The following PLXNA4 variants were observed in gnomAD, a reference collection of about 807,000 sequenced individuals.
The protein encoded by PLXNA4 is plexin A4.
Under a neutral mutation model 191.8 loss-of-function variants are expected in PLXNA4, and 44 were observed. The observed-to-expected ratio is 0.23, with a 90% CI of 0.18 to 0.29. The LOEUF (loss-of-function observed/expected upper bound fraction) is 0.29, where lower values mean the gene tolerates loss of function less well. Among genes scored for constraint, PLXNA4 ranks in the 10% least tolerant of loss-of-function variants. The pLI is 1.00. For missense variants in PLXNA4, 1,800 were observed against 2,488.8 expected, an observed-to-expected ratio of 0.72 and a Z score of 5.89; for synonymous variants, 1,082 against 1,009.5, an observed-to-expected ratio of 1.07 and a Z score of -1.36.
intron 3 of PLXNA4, among the ~76,000 whole-genome samples, chr7:132,394,090 T>A (rs1034134340): frequency 6.6e-6 from 1 of 152,110 alleles, no homozygotes; most frequent in African/African-American, 2.4e-5. Context: ...ATTTCTTTTT[T>A]TCTCCAAGCC....
chr7:132,313,323 A>C (rs1203523137), intron 3 of PLXNA4, among the ~76,000 whole-genome samples: 2 of 152,138 alleles, frequency 1.3e-5, no homozygotes, highest in African/African-American at 2.4e-5. Context: ...TCCTTCCTGA[A>C]CTTTTTTGCT....
intron 3 of PLXNA4, among the ~76,000 whole-genome samples, chr7:132,465,382 A>G (rs538038320): frequency 6.6e-6 from 1 of 152,170 alleles, no homozygotes; most frequent in South Asian, 2.1e-4. Flanking sequence ...GCTTCCACAT[A>G]AGATTTTATA....
chr7:132,468,390 T>C (rs1005660582), intron 3 of PLXNA4, among the ~76,000 whole-genome samples: 33 of 152,206 alleles, frequency 2.2e-4, no homozygotes, highest in African/African-American at 7.7e-4. Context: ...TCTATATCAA[T>C]AATTTTTCCT....
intron 9 of PLXNA4, among the ~76,000 whole-genome samples, chr7:132,222,203 A>G (rs1336654558): frequency 6.6e-6 from 1 of 152,218 alleles, no homozygotes; most frequent in East Asian, 1.9e-4. Flanking sequence ...ACTCCTGCTC[A>G]GCCATCAGGA....
chr7:132,571,396 T>G (rs538243882), intron 1 of PLXNA4, among the ~76,000 whole-genome samples: 1 of 152,336 alleles, frequency 6.6e-6, no homozygotes, highest in African/African-American at 2.4e-5. Flanking sequence ...GGCACCAACA[T>G]GCGATGAGTC....
In PLXNA4 at chr7:132,435,895, A is replaced by G. The variant is rs117697312; in HGVS notation, c.1371+53397T>C. ...CAAAGGCCAGGGTCAGCAGCCAGCC[A>G]GTAGGTACCAGCAGCTTCCAACAAT... On this transcript the variant is annotated intron_variant, in intron 3 of 31. Transcript: ENST00000321063. Among the ~76,000 whole-genome samples, 880 of 152,330 alleles carry G rather than the reference A, an allele frequency of 5.8e-3. 9 individuals are homozygous for G. The highest frequency in any genetic ancestry group is 9.5e-3 in the Non-Finnish European group (646 of 68,022).
intron 21 of PLXNA4, among the ~76,000 whole-genome samples, chr7:132,169,835 T>G (rs1562895025): frequency 6.6e-6 from 1 of 151,956 alleles, no homozygotes; most frequent in Non-Finnish European, 1.5e-5. Flanking sequence ...GTGATTTGTA[T>G]GCATGCTTCT....
intron 3 of PLXNA4, among the ~76,000 whole-genome samples, chr7:132,344,388 A>G (rs1803159272): frequency 6.6e-6 from 1 of 152,200 alleles, no homozygotes; most frequent in African/African-American, 2.4e-5. Context: ...AAAAAAACAG[A>G]AAAACTTTGA....
chr7:132,481,598 G>A (rs946431260), intron 3 of PLXNA4, among the ~76,000 whole-genome samples: 5 of 152,052 alleles, frequency 3.3e-5, no homozygotes, highest in Non-Finnish European at 4.4e-5. Flanking sequence ...GTGCCTACAC[G>A]GTGTTCAAAG....
chr7:132,588,009 G>A (rs1402259453), intron 2 of PLXNA4, among the ~76,000 whole-genome samples: 2 of 151,404 alleles, frequency 1.3e-5, no homozygotes, highest in Non-Finnish European at 2.9e-5. Flanking sequence ...CTTTTCTCTA[G>A]GTGGTCTCTC....
At chr7:132,163,208 CGA>C (rs1562890857) in intron 24 of PLXNA4, among the ~76,000 whole-genome samples, 2 of 152,134 alleles carry the variant, frequency 1.3e-5, no homozygotes, top group African/African-American at 2.4e-5. Context: ...CAAAAAATCC[CGA>C]GAGTGAGCTC....
chr7:132,182,695 G>A (rs1199735347), intron 16 of PLXNA4, among the ~76,000 whole-genome samples: 8 of 152,156 alleles, frequency 5.3e-5, no homozygotes, highest in East Asian at 3.9e-4. Context: ...TGGAGGCTTC[G>A]ATCAGGCTGA....
At chr7:132,636,233 C>A (rs1803603072) in intron 2 of PLXNA4, among the ~76,000 whole-genome samples, 1 of 152,228 alleles carries the variant, frequency 6.6e-6, no homozygotes, top group South Asian at 2.1e-4. Flanking sequence ...GCCAGAAGAG[C>A]TCCTCAGCCA....
intron 3 of PLXNA4, among the ~76,000 whole-genome samples, chr7:132,385,968 TC>T (rs1805119468): frequency 6.6e-6 from 1 of 152,220 alleles, no homozygotes; most frequent in African/African-American, 2.4e-5. Context: ...AGAAGATCAT[TC>T]AACACATGGT....
rs1303859098 is a variant in PLXNA4 at position 132,130,544 on chromosome 7, A to G, written c.5620T>C (p.Cys1874Arg). Residue 1874 changes from cysteine (C) to arginine (R), a missense_variant, in exon 32 of 32, where the codon TGT becomes CGT. Cys to Arg is a radical substitution (Grantham distance 180, BLOSUM62 -3). Coordinates refer to ENST00000321063, the MANE Select transcript of PLXNA4 (RefSeq NM_020911.2). The stretch of plus-strand genomic sequence containing the variant: ...TTGTAGGCCAGTTTCTGCTTCCCAC[A>G]CTGGTCATCGTGGTCCAGAGGTCCA... ...ILGPLDHDDQ[C>R]GKQKLAYKLE... 1.2e-6 allele frequency: 2 copies of G among 1,613,836 alleles called. No individual in the cohort carries two copies. Among genetic ancestry groups the G allele is most frequent in the Non-Finnish European group, 1.7e-6 (2 of 1,179,980 alleles).
In PLXNA4 at chr7:132,507,507, G is replaced by A. The variant is rs1798515844; in HGVS notation, c.1187C>T (p.Ala396Val). 3 of 1,607,968 alleles carry A rather than the reference G, an allele frequency of 1.9e-6. No individual in the cohort carries two copies. The highest frequency in any genetic ancestry group is 2.5e-6 in the Non-Finnish European group (3 of 1,177,344). Reference sequence around the variant, plus strand: ...GCGCGCAGCCCTCCCTGTACTCACCGCACTGCTGCAGGGGATGTCCTTCAC... The same window carrying A: ...GCGCGCAGCCCTCCCTGTACTCACCACACTGCTGCAGGGGATGTCCTTCAC... ...LKVKDIPCSS[A>V]LLTIDDNFCG... The change falls in exon 2 of 32, where the codon GCG becomes GTG. Residue 396 changes from alanine to valine, a missense_variant and splice_region_variant. This residue lies in a region of PLXNA4 where 1,397 missense variants were observed against 1,880.4 expected (regional missense o/e 0.74). Coordinates refer to ENST00000321063, the MANE Select transcript of PLXNA4 (RefSeq NM_020911.2).
At chr7:132,201,812 G>T (rs1797443972) in intron 12 of PLXNA4, among the ~76,000 whole-genome samples, 1 of 152,214 alleles carries the variant, frequency 6.6e-6, no homozygotes. Flanking sequence ...AACTCCAGGG[G>T]CAGTGATTTC....
intron 2 of PLXNA4, among the ~76,000 whole-genome samples, chr7:132,600,446 C>G (rs2116839354): frequency 6.6e-6 from 1 of 152,318 alleles, no homozygotes; most frequent in East Asian, 1.9e-4. Flanking sequence ...TCACTGCTGC[C>G]TCAATCTCTT....
chr7:132,227,697 G>C, intron 6 of PLXNA4, 93 bp from the exon 7 acceptor site: 4 of 1,497,080 alleles, frequency 2.7e-6, no homozygotes, highest in Non-Finnish European at 3.7e-6. Context: ...GAGTGAGAGA[G>C]ATCACAGGGA....
Sources: gnomAD v4.1 joint callset for allele counts (sites outside exome capture counted in the v4.1 genomes callset) on GRCh38, gnomAD v4.1.1 for gene constraint, gnomAD v4.1.1 regional missense constraint, MANE v1.5 for transcripts, NCBI Gene and HGNC (gene_info 2026-07-23, HGNC 2026-07-21) for gene names.